Variants in NRG4 observed in about 807,000 individuals in gnomAD.
NRG4 encodes pro-neuregulin-4, membrane-bound isoform.
In NRG4, 10 loss-of-function variants were observed where a neutral mutation model predicts 15.0. The ratio of observed to expected loss-of-function variants is 0.67; its 90% confidence interval spans 0.41 to 1.13. NRG4 has a LOEUF of 1.13. NRG4 is among the 50% of genes most tolerant of loss of function. NRG4 has a pLI of 0.00. For synonymous variants in NRG4, 41 were observed against 50.1 expected (o/e 0.82, Z 0.77); for missense variants, 139 against 140.2 (o/e 0.99, Z 0.04).
intron 5 of NRG4, among the ~76,000 whole-genome samples, chr15:76,033,811 T>A (rs748599142): frequency 2.6e-5 from 4 of 152,238 alleles, no homozygotes; most frequent in Non-Finnish European, 4.4e-5. Context: ...CTGACCCTTT[T>A]ATCAGAAAAG....
At position 76,047,797 on chromosome 15, in the gene NRG4, TAAAG is replaced by T. The variant is rs1361654887; in HGVS notation, c.-105+4266_-105+4269del. Reference sequence around the variant, plus strand: ...CTGCAAATGTAAAATGATTTAATAATAAAGATTCACTTTATATGCTAAATATGAA... The same window carrying T: ...CTGCAAATGTAAAATGATTTAATAATATTCACTTTATATGCTAAATATGAA... On this transcript the variant is annotated intron_variant, in intron 4 of 8. Coordinates refer to the NRG4 transcript ENST00000563910. Among the ~76,000 whole-genome samples, 19 of 151,220 alleles carry T rather than the reference TAAAG, an allele frequency of 1.3e-4. 1 individual carries two copies. The highest frequency in any genetic ancestry group is 4.2e-4 in the African/African-American group (17 of 40,708).
At chr15:76,049,099 A>T (rs922293409) in intron 4 of NRG4, among the ~76,000 whole-genome samples, 4 of 150,378 alleles carry the variant, frequency 2.7e-5, no homozygotes, top group Non-Finnish European at 3.0e-5. Context: ...TTCCAGGAAA[A>T]CTTCTCTGAA....
intron 3 of NRG4, among the ~76,000 whole-genome samples, chr15:75,981,679 C>T (rs1021361959): frequency 3.3e-5 from 5 of 152,134 alleles, no homozygotes; most frequent in Non-Finnish European, 1.5e-5. Flanking sequence ...GTGGCACTGC[C>T]TAGGTGAGAC....
upstream of NRG4, among the ~76,000 whole-genome samples, chr15:76,013,856 C>T (rs149986338): frequency 1.8e-4 from 27 of 152,104 alleles, no homozygotes; most frequent in African/African-American, 6.0e-4. Flanking sequence ...GGGTATATAC[C>T]CAGTAATTGG....
intron 5 of NRG4, among the ~76,000 whole-genome samples, chr15:76,028,363 C>T (rs1487148196): frequency 6.6e-6 from 1 of 152,010 alleles, no homozygotes; most frequent in Non-Finnish European, 1.5e-5. Flanking sequence ...TGAACAACTA[C>T]ATGCCAATAA....
At chr15:75,944,234 A>G (rs2031298022) in intron 5 of NRG4, among the ~76,000 whole-genome samples, 1 of 152,190 alleles carries the variant, frequency 6.6e-6, no homozygotes, top group Non-Finnish European at 1.5e-5. Context: ...CTCATTGTAG[A>G]GTGAGAATAA....
At chr15:76,024,463 C>G (rs772772886) in intron 5 of NRG4, among the ~76,000 whole-genome samples, 9 of 152,212 alleles carry the variant, frequency 5.9e-5, no homozygotes, top group Admixed American at 5.9e-4. Flanking sequence ...AACAGCCACC[C>G]GGGATACCCC....
intron 4 of NRG4, among the ~76,000 whole-genome samples, chr15:76,050,437 G>GC (rs2035969172): frequency 1.1e-5 from 1 of 91,878 alleles, no homozygotes; most frequent in African/African-American, 4.2e-5. Flanking sequence ...CCGAGCCTTC[G>GC]TTTTTTTTTT....
chr15:76,011,280 A>G lies in NRG4; in HGVS notation c.-50T>C, dbSNP rs779377636. On this transcript the variant is annotated 5_prime_UTR_variant, in exon 2 of 6. Coordinates refer to ENST00000394907, the MANE Select transcript of NRG4 (RefSeq NM_138573.4). ...TTGGTCAAGAGAGTAGGGTTGAAAAACAGTACCTAAAACGGTTTAAAAAGT... is the reference window on the plus strand; with the variant it reads ...TTGGTCAAGAGAGTAGGGTTGAAAAGCAGTACCTAAAACGGTTTAAAAAGT... 2.0e-5 allele frequency: 28 copies of G among 1,389,352 alleles called. No individual in the cohort carries two copies. The East Asian group carries it at 7.2e-4, about 36-fold the overall frequency. The allele number at this position is 1,389,352 out of a possible 1,614,324, so 86.1% of individuals were successfully genotyped here.
Position 76,009,272 on chromosome 15 carries a change from G to A in NRG4, c.32C>T (p.Pro11Leu). 3 of 1,592,190 alleles carry A rather than the reference G, an allele frequency of 1.9e-6. No individual in the cohort carries two copies. The highest frequency in any genetic ancestry group is 2.6e-6 in the Non-Finnish European group (3 of 1,164,544). The change falls in exon 3 of 6, where the codon CCC (proline) becomes CTC (leucine). Residue 11 changes from proline (P) to leucine (L), a missense_variant. Pro to Leu is a moderately conservative substitution (Grantham distance 98, BLOSUM62 -3). Transcript: ENST00000394907. ...ATTCAGGCAAAACGACTTGTGACTG[G>A]GACCACAGGGCTCTTCGTGATCTAG... MPTDHEEPCG[P>L]SHKSFCLNGG...
chr15:75,956,016 C>A lies in NRG4; in HGVS notation c.252-5G>T, dbSNP rs1272875171. The A allele has an allele frequency of 6.3e-7, 1 of 1,575,552 alleles. No individual in the cohort carries two copies. Among genetic ancestry groups the A allele is most frequent in the Non-Finnish European group, 8.7e-7 (1 of 1,146,100 alleles). On this transcript the variant is annotated splice_region_variant and splice_polypyrimidine_tract_variant and intron_variant, in intron 4 of 5. Transcript: ENST00000394907. ...GCTCTCTGAAAGTGGCCTTTCCTGA[C>A]AATAAAGAGGAGAGAAACACAAAAA...
chr15:75,981,819 GATAAT>G (rs1348262345), intron 3 of NRG4, among the ~76,000 whole-genome samples: 5 of 151,926 alleles, frequency 3.3e-5, no homozygotes, highest in Non-Finnish European at 7.4e-5. Flanking sequence ...CACAGAAATG[GATAAT>G]ATGTTTTAAA....
At chr15:75,949,154 A>G (rs2031725938) in intron 5 of NRG4, among the ~76,000 whole-genome samples, 2 of 152,254 alleles carry the variant, frequency 1.3e-5, no homozygotes, top group South Asian at 4.1e-4. Context: ...CCTAAAAAAG[A>G]TCATGTGTCC....
rs2031077863 is a variant in NRG4 at position 75,942,333 on chromosome 15, T to G, written c.*1305A>C. ...GCTTCAGCTAGCCTGGATGACAGAG[T>G]GAGACTTTGTCTCAAAAAGTAAAGT... On this transcript the variant is annotated 3_prime_UTR_variant, in exon 6 of 6. Transcript: ENST00000394907. 1 of 151,644 alleles carries G rather than the reference T, an allele frequency of 6.6e-6. No individual in the cohort carries two copies. Among genetic ancestry groups the G allele is most frequent in the Admixed American group, 6.6e-5 (1 of 15,226 alleles). The allele number at this position is 151,644 out of a possible 1,614,324, so 9.4% of individuals were successfully genotyped here.
intron 3 of NRG4, among the ~76,000 whole-genome samples, chr15:76,001,852 A>T (rs1474703840): frequency 6.6e-6 from 1 of 152,162 alleles, no homozygotes; most frequent in African/African-American, 2.4e-5. Flanking sequence ...TTGTAGGAGG[A>T]GCCTACAACA....
intron 4 of NRG4, among the ~76,000 whole-genome samples, chr15:75,956,498 T>C (rs2032250025): frequency 1.7e-5 from 1 of 60,262 alleles, no homozygotes; most frequent in South Asian, 1.2e-3. Context: ...GATCAGTTAA[T>C]ATAGGTTATG....
chr15:75,995,676 A>G (rs565231997), intron 3 of NRG4, among the ~76,000 whole-genome samples: 2 of 152,370 alleles, frequency 1.3e-5, no homozygotes, highest in East Asian at 1.9e-4. Context: ...ATAAGATTAT[A>G]TAATGCAAAT....
intron 4 of NRG4, among the ~76,000 whole-genome samples, chr15:76,047,745 A>G (rs2035906692): frequency 6.6e-6 from 1 of 150,852 alleles, no homozygotes; most frequent in South Asian, 2.1e-4. Context: ...AAAAAAAGTG[A>G]AAAAAAATAG....
chr15:76,014,028 G>A (rs1164132761), upstream of NRG4, among the ~76,000 whole-genome samples: 1 of 151,920 alleles, frequency 6.6e-6, no homozygotes, highest in South Asian at 2.1e-4. Context: ...TTTAATGATC[G>A]CCATTCTAAC....
Sources: gnomAD v4.1 joint callset for allele counts (sites outside exome capture counted in the v4.1 genomes callset) on GRCh38, gnomAD v4.1.1 for gene constraint, MANE v1.5 for transcripts, NCBI Gene and HGNC (gene_info 2026-07-23, HGNC 2026-07-21) for gene names.